The following ARPP21 variants were observed in gnomAD, a reference collection of about 807,000 sequenced individuals.
ARPP21 encodes the protein cAMP-regulated phosphoprotein 21.
Under a neutral mutation model 113.2 loss-of-function variants are expected in ARPP21, and 69 were observed. The observed-to-expected ratio is 0.61, with a 90% CI of 0.50 to 0.74. The LOEUF (loss-of-function observed/expected upper bound fraction) is 0.74. Ranked by LOEUF, ARPP21 falls within the 30% of genes least tolerant of loss-of-function variation. The pLI, the probability that ARPP21 is intolerant of heterozygous loss-of-function variation, is 0.00. For missense variants in ARPP21, 1,070 were observed against 1,037.4 expected, an observed-to-expected ratio of 1.03 and a Z score of -0.43; for synonymous variants, 368 against 375.5, an observed-to-expected ratio of 0.98 and a Z score of 0.23.
chr3:35,720,284 A>G (rs1440226543), intron 13 of ARPP21, among the ~76,000 whole-genome samples: 1 of 152,164 alleles, frequency 6.6e-6, no homozygotes, highest in Non-Finnish European at 1.5e-5. Context: ...CAAATCAGTT[A>G]TTTCATTTTT....
chr3:35,692,111 G>T (rs532101185), intron 9 of ARPP21, among the ~76,000 whole-genome samples: 8 of 151,642 alleles, frequency 5.3e-5, no homozygotes, highest in Non-Finnish European at 3.0e-5. Flanking sequence ...GGGACAATGA[G>T]CACTCCACTT....
At chr3:35,692,183 C>T (rs976795187) in intron 9 of ARPP21, among the ~76,000 whole-genome samples, 5 of 151,596 alleles carry the variant, frequency 3.3e-5, no homozygotes, top group East Asian at 1.9e-4. Context: ...TGTTTAAGGG[C>T]CCTTGAAGTT....
chr3:35,726,356 C>T (rs1045546679), intron 14 of ARPP21, among the ~76,000 whole-genome samples: 1 of 152,210 alleles, frequency 6.6e-6, no homozygotes, highest in African/African-American at 2.4e-5. Context: ...ATATGGCTCT[C>T]CCTGGCCTTG....
chr3:35,707,150 C>A, intron 10 of ARPP21, 68 bp downstream of exon 10: 1 of 1,228,820 alleles, frequency 8.1e-7, no homozygotes, highest in South Asian at 1.3e-5. Flanking sequence ...ATGTTCATGT[C>A]GTCCCTCTGT....
At chr3:35,744,431 C>T (rs928761411) in intron 19 of ARPP21, 2 of 516,090 alleles carry the variant, frequency 3.9e-6, no homozygotes, top group African/African-American at 3.9e-5. Context: ...CCATGGTTCA[C>T]TTTCATGATG....
chr3:35,749,586 A>C (rs2095326154), intron 19 of ARPP21, among the ~76,000 whole-genome samples: 1 of 152,060 alleles, frequency 6.6e-6, no homozygotes, highest in Non-Finnish European at 1.5e-5. Flanking sequence ...CTATTTTTGG[A>C]AAGAGATTGT....
chr3:35,685,682 A>C (rs2080342598), intron 5 of ARPP21: 1 of 984,276 alleles, frequency 1.0e-6, no homozygotes, highest in South Asian at 4.7e-5. Flanking sequence ...CCCATACCTG[A>C]TGGTTCAGTC....
At chr3:35,778,169 A>G (rs1453161025) in intron 19 of ARPP21, among the ~76,000 whole-genome samples, 3 of 152,174 alleles carry the variant, frequency 2.0e-5, no homozygotes, top group Non-Finnish European at 2.9e-5. Context: ...AGATTGCCTC[A>G]GTAGTTTGGG....
At chr3:35,750,663 A>G (rs572732999) in intron 19 of ARPP21, among the ~76,000 whole-genome samples, 8 of 152,108 alleles carry the variant, frequency 5.3e-5, no homozygotes, top group Non-Finnish European at 1.0e-4. Context: ...AGAGGTGGAT[A>G]TTCACAACCC....
intron 8 of ARPP21, among the ~76,000 whole-genome samples, 178 bp downstream of exon 8, chr3:35,690,318 G>A (rs1381533110): frequency 6.6e-6 from 1 of 151,394 alleles, no homozygotes; most frequent in East Asian, 2.0e-4. Context: ...ATTGTTGCTT[G>A]GACCATGTGT....
intron 1 of ARPP21, among the ~76,000 whole-genome samples, chr3:35,654,000 A>T (rs1042444605): frequency 6.6e-6 from 1 of 151,990 alleles, no homozygotes; most frequent in African/African-American, 2.4e-5. Context: ...GTAAAAAAAT[A>T]AGGAAAAAAT....
intron 11 of ARPP21, among the ~76,000 whole-genome samples, chr3:35,710,143 A>G (rs920151207): frequency 2.6e-5 from 4 of 152,046 alleles, no homozygotes; most frequent in Admixed American, 6.6e-5. Flanking sequence ...TTTCTTGAAC[A>G]CACTGAAATA....
intron 19 of ARPP21, among the ~76,000 whole-genome samples, chr3:35,777,731 A>C (rs1173519213): frequency 6.6e-6 from 1 of 152,130 alleles, no homozygotes; most frequent in Non-Finnish European, 1.5e-5. Context: ...ATTGTTATCT[A>C]TTTGATCTCA....
intron 14 of ARPP21, among the ~76,000 whole-genome samples, chr3:35,726,247 A>G (rs1255235891): frequency 2.0e-5 from 3 of 152,230 alleles, no homozygotes; most frequent in Non-Finnish European, 4.4e-5. Context: ...TCAAATATCA[A>G]TTTCATTTTT....
chr3:35,720,876 T>G (rs1576289754), intron 13 of ARPP21, among the ~76,000 whole-genome samples: 1 of 152,352 alleles, frequency 6.6e-6, no homozygotes, highest in African/African-American at 2.4e-5. Flanking sequence ...GGAGCTTTTT[T>G]TGTTATTTCC....
chr3:35,722,641 A>G (rs1284188519), intron 14 of ARPP21, among the ~76,000 whole-genome samples: 2 of 152,178 alleles, frequency 1.3e-5, no homozygotes, highest in African/African-American at 2.4e-5. Context: ...CAAGTGAAGC[A>G]AATAACGATA....
At chr3:35,693,681 T>C (rs531359233) in intron 9 of ARPP21, among the ~76,000 whole-genome samples, 1 of 151,850 alleles carries the variant, frequency 6.6e-6, no homozygotes, top group East Asian at 1.9e-4. Flanking sequence ...TCTAAGTGTC[T>C]TGGTTTTTTT....
At chr3:35,751,807 T>C (rs907554321) in intron 19 of ARPP21, among the ~76,000 whole-genome samples, 1 of 152,072 alleles carries the variant, frequency 6.6e-6, no homozygotes, top group Non-Finnish European at 1.5e-5. Flanking sequence ...AGATACAGAT[T>C]TCAGAAACTC....
At chr3:35,664,597 C>A (rs1430870439) in intron 1 of ARPP21, among the ~76,000 whole-genome samples, 1 of 152,180 alleles carries the variant, frequency 6.6e-6, no homozygotes, top group Non-Finnish European at 1.5e-5. Context: ...ACAGCCCGGG[C>A]GTTCCTAGGA....
Sources: allele counts gnomAD v4.1 joint callset (sites outside exome capture counted in the v4.1 genomes callset), GRCh38; gene constraint gnomAD v4.1.1; transcripts MANE v1.5; gene names NCBI Gene and HGNC (gene_info 2026-07-23, HGNC 2026-07-21).